Variants in FLRT1 observed in about 807,000 individuals in gnomAD.
FLRT1 encodes fibronectin leucine rich transmembrane protein 1.
In FLRT1, 14 loss-of-function variants were observed where a neutral mutation model predicts 30.9. That is an observed-to-expected ratio of 0.45 (90% CI 0.30 to 0.71). The LOEUF (loss-of-function observed/expected upper bound fraction) is 0.71. Among genes scored for constraint, FLRT1 ranks in the 30% least tolerant of loss-of-function variants. FLRT1 has a pLI of 0.08. For missense variants in FLRT1, 737 were observed against 949.2 expected (o/e 0.78, Z 2.94); for synonymous variants, 368 against 430.4 (o/e 0.85, Z 1.80).
At chr11:64,074,858 C>CA (rs1944174304) in intron 1 of FLRT1, among the ~76,000 whole-genome samples, 1 of 152,208 alleles carries the variant, frequency 6.6e-6, no homozygotes, top group Non-Finnish European at 1.5e-5. Flanking sequence ...GCTCTGACCT[C>CA]ACTCCAGGAT....
At chr11:64,039,186 T>C (rs1448502588) in intron 1 of FLRT1, among the ~76,000 whole-genome samples, 1 of 151,894 alleles carries the variant, frequency 6.6e-6, no homozygotes, top group Non-Finnish European at 1.5e-5. Flanking sequence ...TGAGGCCCCT[T>C]ATAGGATGGG....
intron 1 of FLRT1, among the ~76,000 whole-genome samples, chr11:64,074,304 T>A (rs946415279): frequency 2.6e-5 from 4 of 152,174 alleles, no homozygotes; most frequent in African/African-American, 9.7e-5. Context: ...CTTTCCTAGC[T>A]GCCGAGCTCC....
chr11:64,083,706 G>A (rs542784665), intron 1 of FLRT1, among the ~76,000 whole-genome samples: 25 of 152,352 alleles, frequency 1.6e-4, no homozygotes, highest in Non-Finnish European at 3.5e-4. Flanking sequence ...AATGGGACTC[G>A]CCAGACTGGC....
intron 1 of FLRT1, among the ~76,000 whole-genome samples, chr11:64,071,102 G>T (rs1277411915): frequency 6.6e-6 from 1 of 152,138 alleles, no homozygotes; most frequent in African/African-American, 2.4e-5. Context: ...TCCACCTGGG[G>T]TGGCTTTTTG....
At position 64,117,373 on chromosome 11, in the gene FLRT1, A is replaced by C; in HGVS notation, c.1106A>C (p.Lys369Thr). 1 of 1,613,086 alleles carries C rather than the reference A, an allele frequency of 6.2e-7. No individual in the cohort carries two copies. The highest frequency in any genetic ancestry group is 8.5e-7 in the Non-Finnish European group (1 of 1,179,212). The change falls in exon 3 of 3, where the codon AAG becomes ACG. Residue 369 changes from lysine (K) to threonine (T), a missense_variant. Physicochemically the swap from Lys to Thr is moderately conservative, Grantham distance 78. Coordinates refer to ENST00000682287, the MANE Select transcript of FLRT1 (RefSeq NM_013280.5). ...GAGAAGGTCCGGGGCATGGCCATCA[A>C]GGACATTACCAGCGAGATGGACGAG... ...GPEKVRGMAI[K>T]DITSEMDECF...
At chr11:64,053,733 C>T (rs1284891341) in intron 1 of FLRT1, among the ~76,000 whole-genome samples, 3 of 152,232 alleles carry the variant, frequency 2.0e-5, no homozygotes, top group African/African-American at 4.8e-5. Flanking sequence ...CCTTGCCTTC[C>T]GCTCTCTGGG....
At chr11:64,058,562 C>T (rs899516142) in intron 1 of FLRT1, among the ~76,000 whole-genome samples, 4 of 152,260 alleles carry the variant, frequency 2.6e-5, no homozygotes, top group Non-Finnish European at 5.9e-5. Context: ...CACGAGGACA[C>T]TGAAGAGGGG....
chr11:64,074,674 C>T (rs1944170051), intron 1 of FLRT1, among the ~76,000 whole-genome samples: 1 of 152,214 alleles, frequency 6.6e-6, no homozygotes, highest in Non-Finnish European at 1.5e-5. Flanking sequence ...GTGGGACCCC[C>T]TTTATCCCAG....
chr11:64,053,868 T>C (rs1406124437), intron 1 of FLRT1, among the ~76,000 whole-genome samples: 2 of 152,102 alleles, frequency 1.3e-5, no homozygotes, highest in African/African-American at 4.8e-5. Context: ...GGGGCAGGGC[T>C]AAGATGCAAG....
chr11:64,052,478 T>G (rs2134415716), intron 1 of FLRT1, among the ~76,000 whole-genome samples: 1 of 152,256 alleles, frequency 6.6e-6, no homozygotes, highest in Middle Eastern at 3.4e-3. Flanking sequence ...GGGCCAAGCT[T>G]GTGGGAAGGT....
intron 1 of FLRT1, among the ~76,000 whole-genome samples, chr11:64,042,670 A>G (rs879829675): frequency 3.3e-5 from 5 of 152,136 alleles, no homozygotes; most frequent in Non-Finnish European, 5.9e-5. Context: ...TACCGGTCCC[A>G]GGGAGATAGA....
At chr11:64,050,421 G>A (rs1490950843) in intron 1 of FLRT1, among the ~76,000 whole-genome samples, 1 of 152,238 alleles carries the variant, frequency 6.6e-6, no homozygotes, top group Admixed American at 6.5e-5. Flanking sequence ...CCAGCCCTCA[G>A]TGTGACAGTG....
chr11:64,080,205 G>T (rs1003970457), intron 1 of FLRT1, among the ~76,000 whole-genome samples: 4 of 152,064 alleles, frequency 2.6e-5, no homozygotes, highest in African/African-American at 9.7e-5. Flanking sequence ...TAGAGACGGG[G>T]TATCAACATG....
chr11:64,044,589 G>A (rs930980308), intron 1 of FLRT1, among the ~76,000 whole-genome samples: 1 of 152,120 alleles, frequency 6.6e-6, no homozygotes, highest in Non-Finnish European at 1.5e-5. Flanking sequence ...TTTACCCCAG[G>A]GGTAAACTGA....
chr11:64,076,693 T>G (rs909231005), intron 1 of FLRT1, among the ~76,000 whole-genome samples: 2 of 151,934 alleles, frequency 1.3e-5, no homozygotes, highest in African/African-American at 4.8e-5. Flanking sequence ...CAGAAAGAGG[T>G]TGGTCCTCCA....
intron 1 of FLRT1, among the ~76,000 whole-genome samples, chr11:64,047,439 C>T (rs778192270): frequency 2.6e-5 from 4 of 152,212 alleles, no homozygotes; most frequent in African/African-American, 4.8e-5. Context: ...TGTCCTGTTC[C>T]GTTTCACCCC....
At chr11:64,107,953 C>A (rs559944059) in intron 2 of FLRT1, among the ~76,000 whole-genome samples, 17 of 152,220 alleles carry the variant, frequency 1.1e-4, no homozygotes, top group Non-Finnish European at 2.1e-4. Context: ...ATAGTTCCCT[C>A]ATTCTGAATA....
At position 64,096,733 on chromosome 11, in the gene FLRT1, C is replaced by A. The variant is rs931740650; in HGVS notation, c.-1037-6461C>A. 6.6e-6 allele frequency among the ~76,000 whole-genome samples: 1 copy of A among 152,166 alleles called. No homozygotes were observed. The highest frequency in any genetic ancestry group is 2.4e-5 in the African/African-American group (1 of 41,456). ...CACCCTACCCTCTCCCCCTTTTGTG[C>A]CTAGAGTTGCTCTGTGAAGGGGCAG... On this transcript the variant is annotated intron_variant, in intron 1 of 2. Coordinates refer to ENST00000682287, the MANE Select transcript of FLRT1 (RefSeq NM_013280.5). This position sits in a 1 kb window ranked among gnomAD's most constrained non-coding sequence, Gnocchi z 4.6.
At chr11:64,063,063 AC>A (rs1444860311) in intron 1 of FLRT1, among the ~76,000 whole-genome samples, 3 of 152,190 alleles carry the variant, frequency 2.0e-5, no homozygotes, top group African/African-American at 7.2e-5. Context: ...ATGCCTGGTG[AC>A]AGTCGTTCTA....
Sources: gnomAD v4.1 joint callset for allele counts (sites outside exome capture counted in the v4.1 genomes callset) on GRCh38, gnomAD v4.1.1 for gene constraint, Gnocchi (gnomAD v3.1) non-coding constraint, MANE v1.5 for transcripts, NCBI Gene and HGNC (gene_info 2026-07-23, HGNC 2026-07-21) for gene names.